SS18: variants seen among roughly 807,000 people sequenced by gnomAD.
SS18 encodes the protein protein SSXT.
A neutral mutation model predicts 72.5 loss-of-function variants in SS18; 28 were observed. That is an observed-to-expected ratio of 0.39 (90% confidence interval 0.29 to 0.53). The LOEUF is 0.53. Ranked by LOEUF, SS18 falls within the 20% of genes least tolerant of loss-of-function variation. The pLI, the probability that SS18 is intolerant of heterozygous loss-of-function variation, is 0.76. For synonymous variants in SS18, 172 were observed against 164.2 expected (o/e 1.05, Z -0.37); for missense variants, 518 against 535.3 (o/e 0.97, Z 0.32).
intron 10 of SS18, among the ~76,000 whole-genome samples, chr18:26,031,536 C>CT (rs1598535321): frequency 6.6e-6 from 1 of 152,124 alleles, no homozygotes; most frequent in East Asian, 1.9e-4. Flanking sequence ...TGAAACCAGC[C>CT]TAAAGGAACT....
At chr18:26,047,259 CAAAAAAAAAAAAAA>C (rs71169806) in intron 5 of SS18, among the ~76,000 whole-genome samples, 1 of 75,716 alleles carries the variant, frequency 1.3e-5, no homozygotes, top group African/African-American at 4.3e-5. Context: ...AGTAATATGC[CAAAAAAAAAAAAAA>C]AAAAAAAAAG....
intron 5 of SS18, among the ~76,000 whole-genome samples, chr18:26,045,989 C>T (rs151241708): frequency 1.3e-5 from 2 of 151,988 alleles, no homozygotes; most frequent in East Asian, 3.9e-4. Flanking sequence ...GAGTTCAAGA[C>T]CAGCCTGGCC....
At chr18:26,047,365 T>G (rs983998173) in intron 5 of SS18, among the ~76,000 whole-genome samples, 4 of 151,954 alleles carry the variant, frequency 2.6e-5, no homozygotes, top group African/African-American at 9.7e-5. Context: ...TTCTCAGGCC[T>G]TTTAATAGTC....
At position 26,035,862 on chromosome 18, in the gene SS18, A is replaced by G. The variant is rs1301325122; in HGVS notation, c.942T>C (p.Tyr314=). ...CGTAGTAATGTTGTGAGGAATCCTC[A>G]TAAGGCCTATCGTAGCCTTGTTCAG... ...SYPEQGYDRP[Y]EDSSQHYYEG... is the part of the protein sequence containing the mutation. The change falls in exon 8 of 11, where the codon TAT becomes TAC. Residue 314 remains tyrosine, a synonymous_variant. Transcript: ENST00000415083. The surrounding 1 kb of genome is among the most constrained non-coding windows in gnomAD (Gnocchi z 4.4). 3 of 1,602,186 alleles carry G rather than the reference A, an allele frequency of 1.9e-6. No homozygotes were observed. The highest frequency in any genetic ancestry group is 1.7e-6 in the Non-Finnish European group (2 of 1,172,984).
chr18:26,080,821 T>A (rs992563556), intron 2 of SS18, among the ~76,000 whole-genome samples: 4 of 152,122 alleles, frequency 2.6e-5, no homozygotes, highest in African/African-American at 9.7e-5. Flanking sequence ...CTCACTTTTT[T>A]CCAAAACCAT....
chr18:26,034,544 A>G (rs2053595869), intron 9 of SS18, among the ~76,000 whole-genome samples: 1 of 152,146 alleles, frequency 6.6e-6, no homozygotes, highest in African/African-American at 2.4e-5. Context: ...AGGGAATGAC[A>G]AAAACATTTT....
Position 26,046,100 on chromosome 18 carries a change from T to C in SS18, c.607+6524A>G, listed in dbSNP as rs1306900913. On this transcript the variant is annotated intron_variant, in intron 5 of 10. Coordinates refer to ENST00000415083, the MANE Select transcript of SS18 (RefSeq NM_001007559.3). ...TACTCGGGAAGCTGAGGCAGGAGAATCGAAACACTTGAACCTGGGAAGTGG... is the reference window on the plus strand; with the variant it reads ...TACTCGGGAAGCTGAGGCAGGAGAACCGAAACACTTGAACCTGGGAAGTGG... Among the ~76,000 whole-genome samples, 11 of 140,436 alleles carry C rather than the reference T, an allele frequency of 7.8e-5. No homozygotes were observed. The Admixed American group carries it at 8.6e-4, about 11-fold the overall frequency. 92.1% of individuals were successfully genotyped at this position (140,436 alleles called of 152,430 possible). A position where few individuals can be genotyped will look rare whatever the true frequency, so the allele number is the denominator to read the frequency against.
chr18:26,079,932 G>A (rs2054485835), intron 2 of SS18, among the ~76,000 whole-genome samples: 1 of 151,404 alleles, frequency 6.6e-6, no homozygotes. Flanking sequence ...CAAACAACAG[G>A]TTTCACAGCT....
chr18:26,054,985 C>G (rs911521053), intron 4 of SS18, among the ~76,000 whole-genome samples: 1 of 151,984 alleles, frequency 6.6e-6, no homozygotes, highest in Non-Finnish European at 1.5e-5. Context: ...CTGATCCACC[C>G]ACCTCAGCCT....
chr18:26,071,487 C>T (rs374046871), intron 3 of SS18, among the ~76,000 whole-genome samples: 2 of 152,124 alleles, frequency 1.3e-5, no homozygotes, highest in African/African-American at 4.8e-5. Flanking sequence ...ATGTAATGTG[C>T]TAAGTAAACA....
chr18:26,039,370 T>C lies in SS18; in HGVS notation c.694A>G (p.Met232Val), dbSNP rs1294143883. The C allele has an allele frequency of 1.2e-6, 2 of 1,613,926 alleles. No individual in the cohort carries two copies. The highest frequency in any genetic ancestry group is 1.3e-5 in the African/African-American group (1 of 75,010). Residue 232 changes from methionine to valine, a missense_variant, in exon 6 of 11, where the codon ATG becomes GTG. Coordinates refer to ENST00000415083, the MANE Select transcript of SS18 (RefSeq NM_001007559.3). ...TGGTTAACTTGACCCATCATTCCCA[T>C]AGGTGGCTGCTGTCCTTGGTAATGC... ...GQHYQGQQPPMGMMGQVNQGN... is the reference protein window; with the variant it reads ...GQHYQGQQPPVGMMGQVNQGN...
intron 9 of SS18, among the ~76,000 whole-genome samples, chr18:26,033,543 T>G (rs2053579212): frequency 6.6e-6 from 1 of 151,188 alleles, no homozygotes; most frequent in East Asian, 1.9e-4. Flanking sequence ...GCTGAAAAGC[T>G]TTGACACTTA....
In SS18 at chr18:26,038,543, A is replaced by G; in HGVS notation, c.880+12T>C. ...GATAGAAAATGGGAAAGTTAACATCAGGAGAGATTACCATCAGGGTAATAT... is the reference window on the plus strand; with the variant it reads ...GATAGAAAATGGGAAAGTTAACATCGGGAGAGATTACCATCAGGGTAATAT... On this transcript the variant is annotated intron_variant, in intron 7 of 10. Transcript: ENST00000415083. 6.2e-7 allele frequency: 1 copy of G among 1,604,976 alleles called. No individual in the cohort carries two copies. The highest frequency in any genetic ancestry group is 8.5e-7 in the Non-Finnish European group (1 of 1,171,870).
intron 3 of SS18, among the ~76,000 whole-genome samples, chr18:26,061,971 C>G (rs2054131783): frequency 6.6e-6 from 1 of 152,074 alleles, no homozygotes; most frequent in Non-Finnish European, 1.5e-5. Flanking sequence ...ACACAAAAGA[C>G]TAGGTTAGGC....
intron 3 of SS18, among the ~76,000 whole-genome samples, chr18:26,073,326 C>T (rs1449113249): frequency 1.3e-5 from 2 of 152,022 alleles, no homozygotes; most frequent in Non-Finnish European, 2.9e-5. Flanking sequence ...AACTTATGTC[C>T]ATTTTAAATG....
intron 10 of SS18, 71 bp from the exon 11 acceptor site, chr18:26,018,451 A>G: frequency 8.1e-7 from 1 of 1,227,304 alleles, no homozygotes; most frequent in Non-Finnish European, 1.1e-6. Flanking sequence ...TTACAAACGA[A>G]TCATTTCTAA....
Position 26,090,609 on chromosome 18 carries a change from C to A in SS18, c.-40G>T, listed in dbSNP as rs776043791. On this transcript the variant is annotated 5_prime_UTR_variant, in exon 1 of 11. Transcript: ENST00000415083. Reference sequence around the variant, plus strand: ...CACTATCGGCAAGTCCCGAGCGCTCCGGGTGAACGGCAAACTGGGGGAGAG... The same window carrying A: ...CACTATCGGCAAGTCCCGAGCGCTCAGGGTGAACGGCAAACTGGGGGAGAG... 2 of 1,547,996 alleles carry A rather than the reference C, an allele frequency of 1.3e-6. No individual in the cohort carries two copies. The highest frequency in any genetic ancestry group is 4.9e-5 in the East Asian group (2 of 40,908).
In SS18 at chr18:26,038,641, G is replaced by A; in HGVS notation, c.794C>T (p.Ser265Leu). ...PPQQGPPQQY[S>L]GQEDYYGDQY... ...GTCCCCGTAATAGTCTTCCTGGCCT[G>A]AGTACTGCTGTGGTGGGCCTGAAAA... The change falls in exon 7 of 11, where the codon TCA (serine) becomes TTA (leucine). Residue 265 changes from serine to leucine, a missense_variant. Transcript: ENST00000415083. 2.5e-6 allele frequency: 4 copies of A among 1,613,380 alleles called. No homozygotes were observed. The highest frequency in any genetic ancestry group is 3.4e-6 in the Non-Finnish European group (4 of 1,179,462).
intron 3 of SS18, among the ~76,000 whole-genome samples, chr18:26,058,021 T>TA (rs2054054879): frequency 6.6e-6 from 1 of 152,194 alleles, no homozygotes; most frequent in Non-Finnish European, 1.5e-5. Context: ...ATGTGTCTAT[T>TA]ATTATCTAAA....
Sources: allele counts gnomAD v4.1 joint callset (sites outside exome capture counted in the v4.1 genomes callset), GRCh38; gene constraint gnomAD v4.1.1; non-coding constraint Gnocchi (gnomAD v3.1); transcripts MANE v1.5; gene names NCBI Gene and HGNC (gene_info 2026-07-23, HGNC 2026-07-21).